ADAMTS3: variants seen among roughly 807,000 people sequenced by gnomAD.
ADAMTS3 encodes the protein ADAM metallopeptidase with thrombospondin type 1 motif 3, also known as A disintegrin and metalloproteinase with thrombospondin motifs 3.
ADAMTS3 carries 73 observed loss-of-function variants against 129.0 expected under a neutral mutation model. The ratio of observed to expected loss-of-function variants is 0.57; its 90% CI spans 0.47 to 0.69. The LOEUF is 0.69. Ranked by LOEUF, ADAMTS3 falls within the 30% of genes least tolerant of loss-of-function variation. The pLI is 0.00. For synonymous variants in ADAMTS3, 477 were observed against 510.8 expected, an observed-to-expected ratio of 0.93 and a Z score of 0.89; for missense variants, 1,457 against 1,514.5, an observed-to-expected ratio of 0.96 and a Z score of 0.63.
At chr4:72,558,886 G>A (rs1395568184) in intron 2 of ADAMTS3, among the ~76,000 whole-genome samples, 1 of 151,638 alleles carries the variant, frequency 6.6e-6, no homozygotes, top group Non-Finnish European at 1.5e-5. Context: ...AAATCAAGTA[G>A]CCAATAAAAT....
At chr4:72,304,715 A>G (rs762342480) in intron 16 of ADAMTS3, among the ~76,000 whole-genome samples, 4 of 152,082 alleles carry the variant, frequency 2.6e-5, no homozygotes, top group Non-Finnish European at 4.4e-5. Flanking sequence ...TAATGAGTAA[A>G]AAATAATGAA....
At chr4:72,421,020 A>G (rs1722431670) in intron 3 of ADAMTS3, among the ~76,000 whole-genome samples, 1 of 152,246 alleles carries the variant, frequency 6.6e-6, no homozygotes, top group South Asian at 2.1e-4. Flanking sequence ...ATGAAGAAGA[A>G]AAGTTCATAA....
chr4:72,506,825 A>G (rs1720171156), intron 3 of ADAMTS3, among the ~76,000 whole-genome samples: 1 of 152,012 alleles, frequency 6.6e-6, no homozygotes. Flanking sequence ...GTTTGCCCAC[A>G]TTTTCCCCCA....
intron 4 of ADAMTS3, among the ~76,000 whole-genome samples, chr4:72,379,935 C>A (rs1309121224): frequency 2.0e-5 from 3 of 152,080 alleles, no homozygotes; most frequent in Non-Finnish European, 4.4e-5. Context: ...CAGCTCAATA[C>A]CTCTTGCTCT....
At chr4:72,361,278 G>A (rs1369297533) in intron 4 of ADAMTS3, among the ~76,000 whole-genome samples, 1 of 151,986 alleles carries the variant, frequency 6.6e-6, no homozygotes, top group Non-Finnish European at 1.5e-5. Flanking sequence ...CTCACAAATT[G>A]TTATGTGAAA....
chr4:72,418,506 C>T lies in ADAMTS3; in HGVS notation c.505-3535G>A, dbSNP rs188825094. Among the ~76,000 whole-genome samples, 6 of 152,258 alleles carry T rather than the reference C, an allele frequency of 3.9e-5. No homozygotes were observed. In the East Asian group the frequency reaches 1.2e-3, roughly 29 times the overall value. Reference sequence around the variant, plus strand: ...ATCCAGGAGTCCAGGTTGACAGTGGCTCTATCATCTTAATATAAGCTTCCA... The same window carrying T: ...ATCCAGGAGTCCAGGTTGACAGTGGTTCTATCATCTTAATATAAGCTTCCA... On this transcript the variant is annotated intron_variant, in intron 3 of 21. Coordinates refer to ENST00000286657, the MANE Select transcript of ADAMTS3 (RefSeq NM_014243.3).
intron 4 of ADAMTS3, among the ~76,000 whole-genome samples, chr4:72,404,272 T>C (rs1010104783): frequency 6.6e-6 from 1 of 152,050 alleles, no homozygotes; most frequent in African/African-American, 2.4e-5. Context: ...TCAAAATCTA[T>C]AACCAAGCAA....
chr4:72,324,904 T>C (rs1169148307), intron 5 of ADAMTS3, among the ~76,000 whole-genome samples: 1 of 152,164 alleles, frequency 6.6e-6, no homozygotes, highest in Non-Finnish European at 1.5e-5. Flanking sequence ...ATGTCACACA[T>C]TAATAGTCTC....
chr4:72,332,354 G>A (rs541607190), intron 5 of ADAMTS3, among the ~76,000 whole-genome samples: 1 of 152,278 alleles, frequency 6.6e-6, no homozygotes, highest in South Asian at 2.1e-4. Context: ...CGGCTGTGGA[G>A]TTTATATTTT....
intron 5 of ADAMTS3, among the ~76,000 whole-genome samples, chr4:72,333,548 C>A (rs561318645): frequency 1.3e-5 from 2 of 152,194 alleles, no homozygotes; most frequent in South Asian, 4.1e-4. Context: ...TGTCCCTAGG[C>A]CTCTTCAATT....
intron 3 of ADAMTS3, among the ~76,000 whole-genome samples, chr4:72,522,992 AT>A (rs1208536319): frequency 2.0e-5 from 3 of 152,134 alleles, no homozygotes; most frequent in Admixed American, 6.5e-5. Context: ...TAATAGACTT[AT>A]TTTTAGACTA....
At chr4:72,287,007 T>A (rs2109766261) in intron 21 of ADAMTS3, among the ~76,000 whole-genome samples, 1 of 152,098 alleles carries the variant, frequency 6.6e-6, no homozygotes, top group South Asian at 2.1e-4. Flanking sequence ...GCCCCCAAAA[T>A]TCCTTTGTTG....
intron 3 of ADAMTS3, among the ~76,000 whole-genome samples, chr4:72,508,160 T>C (rs1048297927): frequency 2.6e-5 from 4 of 152,072 alleles, no homozygotes; most frequent in Non-Finnish European, 4.4e-5. Context: ...AAGTAAAACA[T>C]AGAAGTCCCC....
At chr4:72,527,961 G>A (rs1417670388) in intron 3 of ADAMTS3, among the ~76,000 whole-genome samples, 1 of 152,132 alleles carries the variant, frequency 6.6e-6, no homozygotes, top group Non-Finnish European at 1.5e-5. Flanking sequence ...CACATGAGAT[G>A]TAGTGCCTGG....
In ADAMTS3 at chr4:72,309,485, C is replaced by T. The variant is rs140130289; in HGVS notation, c.2091G>A (p.Lys697=). ...VGCDKEIGSN[K]VEDKCGVCGG... ...CACAGACACCACACTTATCCTCAAC[C>T]TTATTAGAACCAATTTCTTTATCAC... Residue 697 remains lysine (K), a synonymous_variant, in exon 15 of 22, where the codon AAG becomes AAA. Transcript: ENST00000286657. 4.7e-5 allele frequency: 75 copies of T among 1,611,768 alleles called. No homozygotes were observed. Among genetic ancestry groups the T allele is most frequent in the Non-Finnish European group, 5.9e-5 (69 of 1,178,502 alleles).
chr4:72,568,965 C>T lies in ADAMTS3; in HGVS notation c.-203G>A. ...GCCCCCTCTGCTCTGCAGTTTTTTC[C>T]ACTTCACCTTCTCACCCCGTCCTCC... is the stretch of plus-strand genomic sequence containing the variant. On this transcript the variant is annotated 5_prime_UTR_variant, in exon 1 of 22. Coordinates refer to ENST00000286657, the MANE Select transcript of ADAMTS3 (RefSeq NM_014243.3). 2 of 609,614 alleles carry T rather than the reference C, an allele frequency of 3.3e-6. No individual in the cohort carries two copies. The highest frequency in any genetic ancestry group is 4.1e-5 in the South Asian group (2 of 49,332). 37.8% of individuals were successfully genotyped at this position (609,614 alleles called of 1,614,324 possible).
At chr4:72,511,188 T>A (rs2110034029) in intron 3 of ADAMTS3, among the ~76,000 whole-genome samples, 1 of 152,154 alleles carries the variant, frequency 6.6e-6, no homozygotes, top group East Asian at 1.9e-4. Flanking sequence ...AAGGAAAGAT[T>A]GGAGAAAATC....
rs146533959 is a variant in ADAMTS3 at position 72,335,696 on chromosome 4, T to G, written c.861+3798A>C. Among the ~76,000 whole-genome samples the G allele has an allele frequency of 1.6e-3, 239 of 152,292 alleles. 2 individuals carry two copies. The highest frequency in any genetic ancestry group is 5.6e-3 in the African/African-American group (231 of 41,574). On this transcript the variant is annotated intron_variant, in intron 5 of 21. Coordinates refer to ENST00000286657, the MANE Select transcript of ADAMTS3 (RefSeq NM_014243.3). ...TAACATTTTCAAAGTCTCTGTTTCC[T>G]TTGGAAAAATTGTAATAATTTCCAT...
At chr4:72,349,026 A>C (rs994489383) in intron 4 of ADAMTS3, among the ~76,000 whole-genome samples, 2 of 151,996 alleles carry the variant, frequency 1.3e-5, no homozygotes, top group African/African-American at 4.8e-5. Context: ...TGAGCTAATA[A>C]ATAGGCATTG....
Sources: allele counts gnomAD v4.1 joint callset (sites outside exome capture counted in the v4.1 genomes callset), GRCh38; gene constraint gnomAD v4.1.1; transcripts MANE v1.5; gene names NCBI Gene and HGNC (gene_info 2026-07-23, HGNC 2026-07-21).